Variants in ARB2A observed in about 807,000 individuals in gnomAD.
ARB2A encodes cotranscriptional regulator ARB2A.
the ARB2A span, among the ~76,000 whole-genome samples, chr5:94,107,720 C>A: frequency 4.4e-3 from 675 of 152,284 alleles, 1 homozygote; most frequent in African/African-American, 9.9e-3. Flanking sequence ...GGCACATGAT[C>A]TGAACAACTT....
the ARB2A span, chr5:93,619,549 G>C: frequency 6.6e-6 from 1 of 152,168 alleles, no homozygotes; most frequent in Non-Finnish European, 1.5e-5. Context: ...ATTTTATCAT[G>C]TCCTCAAATA....
chr5:94,000,424 C>T, the ARB2A span, among the ~76,000 whole-genome samples: 1 of 152,004 alleles, frequency 6.6e-6, no homozygotes, highest in Non-Finnish European at 1.5e-5. Context: ...TGATATGGAA[C>T]ATCTTTTCAT....
At chr5:93,729,121 T>C in the ARB2A span, among the ~76,000 whole-genome samples, 1 of 152,084 alleles carries the variant, frequency 6.6e-6, no homozygotes, top group Non-Finnish European at 1.5e-5. Flanking sequence ...TGTCTGTCTT[T>C]CTCTCTCTCC....
chr5:93,927,825 AGG>A, the ARB2A span, among the ~76,000 whole-genome samples: 1 of 152,050 alleles, frequency 6.6e-6, no homozygotes, highest in Non-Finnish European at 1.5e-5. Flanking sequence ...AAAAAAGAGG[AGG>A]GGAGAGGGAG....
the ARB2A span, among the ~76,000 whole-genome samples, chr5:93,941,753 G>A: frequency 6.6e-6 from 1 of 152,096 alleles, no homozygotes; most frequent in Non-Finnish European, 1.5e-5. Context: ...AAAACAGCTA[G>A]GTTAGCTGTG....
the ARB2A span, among the ~76,000 whole-genome samples, chr5:93,972,321 A>G: frequency 1.3e-5 from 2 of 152,184 alleles, no homozygotes; most frequent in African/African-American, 4.8e-5. Context: ...AAACCTATCT[A>G]TATCCAAGAA....
At chr5:93,797,043 C>G in the ARB2A span, among the ~76,000 whole-genome samples, 1 of 152,074 alleles carries the variant, frequency 6.6e-6, no homozygotes, top group Non-Finnish European at 1.5e-5. Context: ...AGTTGATATA[C>G]TAGTGAACCA....
the ARB2A span, among the ~76,000 whole-genome samples, chr5:93,804,357 C>A: frequency 6.6e-6 from 1 of 151,932 alleles, no homozygotes; most frequent in African/African-American, 2.4e-5. Flanking sequence ...ATCATATCTG[C>A]AAGGATTATT....
chr5:93,794,606 G>T, the ARB2A span, among the ~76,000 whole-genome samples: 1 of 152,214 alleles, frequency 6.6e-6, no homozygotes, highest in South Asian at 2.1e-4. Flanking sequence ...GTCCCACAGG[G>T]TGCTCCCTTG....
chr5:93,867,480 C>T, the ARB2A span, among the ~76,000 whole-genome samples: 1 of 152,044 alleles, frequency 6.6e-6, no homozygotes, highest in South Asian at 2.1e-4. Context: ...TGCAGTGATG[C>T]GATCTCAGCT....
At chr5:93,933,975 C>CA in the ARB2A span, among the ~76,000 whole-genome samples, 1 of 151,982 alleles carries the variant, frequency 6.6e-6, no homozygotes, top group African/African-American at 2.4e-5. Context: ...CACTGCATTA[C>CA]AGCCTGGGTA....
chr5:94,033,476 G>C, the ARB2A span, among the ~76,000 whole-genome samples: 2 of 152,164 alleles, frequency 1.3e-5, no homozygotes, highest in African/African-American at 2.4e-5. Flanking sequence ...CAAGGTTGTA[G>C]TACAGTGGTG....
the ARB2A span, among the ~76,000 whole-genome samples, chr5:93,779,168 C>A: frequency 6.6e-6 from 1 of 150,908 alleles, no homozygotes. Flanking sequence ...ATTTTTACCC[C>A]AAAAAGTATA....
the ARB2A span, among the ~76,000 whole-genome samples, chr5:93,908,479 T>C: frequency 4.0e-5 from 6 of 150,832 alleles, no homozygotes; most frequent in South Asian, 2.1e-4. Context: ...TCTAAGTATA[T>C]TGATTTGAGG....
the ARB2A span, among the ~76,000 whole-genome samples, chr5:93,656,721 A>T: frequency 4.6e-5 from 7 of 152,208 alleles, no homozygotes; most frequent in Admixed American, 4.6e-4. Context: ...CCAAACAAAG[A>T]CAGACCAACA....
chr5:94,103,959 A>G, the ARB2A span, among the ~76,000 whole-genome samples: 1 of 152,048 alleles, frequency 6.6e-6, no homozygotes, highest in East Asian at 1.9e-4. Context: ...TTTGAAACTA[A>G]TGAAAAGGAA....
the ARB2A span, among the ~76,000 whole-genome samples, chr5:93,753,891 G>A: frequency 6.6e-6 from 1 of 152,096 alleles, no homozygotes; most frequent in East Asian, 1.9e-4. Context: ...GCAGAAAAAT[G>A]ACACTTTAAG....
the ARB2A span, among the ~76,000 whole-genome samples, chr5:93,758,698 G>A: frequency 8.6e-5 from 13 of 152,000 alleles, no homozygotes; most frequent in Non-Finnish European, 1.6e-4. Context: ...TGAACTGAAC[G>A]ACAATAATGA....
At chr5:93,824,460 T>C in the ARB2A span, among the ~76,000 whole-genome samples, 124 of 152,102 alleles carry the variant, frequency 8.2e-4, no homozygotes, top group African/African-American at 2.9e-3. Flanking sequence ...AAAAAGTTTG[T>C]AAAAAAATAG....
Sources: allele counts gnomAD v4.1 joint callset (sites outside exome capture counted in the v4.1 genomes callset), GRCh38; gene constraint gnomAD v4.1.1; transcripts MANE v1.5; gene names NCBI Gene and HGNC (gene_info 2026-07-23, HGNC 2026-07-21).